Variants in NOSIP observed in about 807,000 individuals in gnomAD.
NOSIP encodes the protein nitric oxide synthase-interacting protein.
Under a neutral mutation model 36.4 loss-of-function variants are expected in NOSIP, and 25 were observed. That is an observed-to-expected ratio of 0.69 (90% CI 0.50 to 0.96). The LOEUF is 0.96. Ranked by LOEUF, NOSIP falls within the 40% of genes least tolerant of loss-of-function variation. The pLI is 0.00. For missense variants in NOSIP, 370 were observed against 429.0 expected, an observed-to-expected ratio of 0.86 and a Z score of 1.21; for synonymous variants, 187 against 179.2, an observed-to-expected ratio of 1.04 and a Z score of -0.35.
intron 1 of NOSIP, among the ~76,000 whole-genome samples, chr19:49,578,708 G>C (rs943606323): frequency 6.6e-6 from 1 of 150,518 alleles, no homozygotes; most frequent in African/African-American, 2.4e-5. Context: ...GTGCAGTGGC[G>C]TGATCTCGGC....
chr19:49,565,303 G>A (rs2080391802), intron 1 of NOSIP, among the ~76,000 whole-genome samples: 1 of 151,732 alleles, frequency 6.6e-6, no homozygotes, highest in South Asian at 2.1e-4. Flanking sequence ...CCTTTGGGAG[G>A]CAGAAGGTGG....
chr19:49,558,030 AC>A (rs2080278298), intron 4 of NOSIP: 1 of 667,270 alleles, frequency 1.5e-6, no homozygotes, highest in Admixed American at 6.3e-5. Flanking sequence ...AGGGGGACAG[AC>A]CCACTGTGCC....
chr19:49,557,344 A>AC, intron 4 of NOSIP, 95 bp from the exon 5 acceptor site: 2 of 1,472,120 alleles, frequency 1.4e-6, no homozygotes, highest in Non-Finnish European at 1.8e-6. Flanking sequence ...CACAAAGGGG[A>AC]CCCTCTGATG....
intron 1 of NOSIP, among the ~76,000 whole-genome samples, chr19:49,564,453 C>CAAAAAAA (rs1011453088): frequency 7.1e-5 from 3 of 42,552 alleles, no homozygotes; most frequent in Admixed American, 2.5e-4. Context: ...GACTCCATCT[C>CAAAAAAA]AAAAAAAAAA....
rs775726917 is a variant in NOSIP, at chr19:49,557,138, G to A, written c.370C>T (p.Arg124Trp). Residue 124 changes from arginine (R) to tryptophan (W), a missense_variant, in exon 5 of 9, where the codon CGG becomes TGG. This residue lies in a region of NOSIP where 315 missense variants were observed against 331.9 expected (regional missense o/e 0.95). Transcript: ENST00000596358. ...TTGGCTGTGAAAGGGTTGAGGGGCC[G>A]GCTCACGATAGCCGACTCCTTCTCC... is the stretch of plus-strand genomic sequence containing the variant. ...FLEKESAIVS[R>W]PLNPFTAKAL... 3.7e-6 allele frequency: 6 copies of A among 1,612,518 alleles called. No homozygotes were observed. Among genetic ancestry groups the A allele is most frequent in the Admixed American group, 1.7e-5 (1 of 59,808 alleles).
Position 49,556,976 on chromosome 19 carries a change from G to A in NOSIP, c.436C>T (p.Pro146Ser). The change falls in exon 6 of 9, where the codon CCC (proline) becomes TCC (serine). Residue 146 changes from proline to serine, a missense_variant. Physicochemically the swap from Pro to Ser is moderately conservative, Grantham distance 74 (BLOSUM62 -1). This residue lies in a region of NOSIP where 315 missense variants were observed against 331.9 expected (regional missense o/e 0.95). Coordinates refer to ENST00000596358, the MANE Select transcript of NOSIP (RefSeq NM_001270960.2). The stretch of plus-strand genomic sequence containing the variant: ...TCCTTACTTGGAGGACCCACACTGG[G>A]CCCAGGTTGGACATCATCTGTGGGG... ...GTSPDDVQPG[P>S]SVGPPSKDKD... is the part of the protein sequence containing the mutation. 1 of 1,609,782 alleles carries A rather than the reference G, an allele frequency of 6.2e-7. No individual in the cohort carries two copies.
intron 1 of NOSIP, among the ~76,000 whole-genome samples, chr19:49,576,181 AAAAC>A (rs1322139561): frequency 6.6e-6 from 1 of 152,092 alleles, no homozygotes; most frequent in Non-Finnish European, 1.5e-5. Context: ...AGGCTGAACA[AAAAC>A]AGGTAGCAGT....
At chr19:49,577,851 G>T (rs1311045535) in intron 1 of NOSIP, among the ~76,000 whole-genome samples, 1 of 151,374 alleles carries the variant, frequency 6.6e-6, no homozygotes. Context: ...AAGGAAGGCA[G>T]TCACAATAAT....
At chr19:49,557,544 G>A (rs1279231047) in intron 4 of NOSIP, 11 of 1,251,374 alleles carry the variant, frequency 8.8e-6, no homozygotes, top group Admixed American at 3.6e-5. Flanking sequence ...CCACCTCAGC[G>A]GCTCACTGAA....
At chr19:49,563,575 C>T (rs565879533) in intron 1 of NOSIP, among the ~76,000 whole-genome samples, 1 of 151,730 alleles carries the variant, frequency 6.6e-6, no homozygotes, top group South Asian at 2.1e-4. Context: ...CTCACTACAA[C>T]CTCCGCCTCT....
Position 49,555,633 on chromosome 19 carries a change from A to G in NOSIP, c.*118T>C. 1.3e-6 allele frequency: 1 copy of G among 773,442 alleles called. No individual in the cohort carries two copies. Among genetic ancestry groups the G allele is most frequent in the East Asian group, 2.6e-5 (1 of 38,490 alleles). The allele number at this position is 773,442 out of a possible 1,614,324, so 47.9% of individuals were successfully genotyped here. ...TTCAAACTCCAGCGTGCGCTGTAGG[A>G]GCACTGTTTGCACGGCCCTGCATCC... On this transcript the variant is annotated 3_prime_UTR_variant, in exon 9 of 9. Transcript: ENST00000596358.
At chr19:49,557,780 T>A (rs1309599606) in intron 4 of NOSIP, 1 of 988,580 alleles carries the variant, frequency 1.0e-6, no homozygotes, top group Non-Finnish European at 1.2e-6. Context: ...TGACCTGAGC[T>A]CAGCCCTGCC....
chr19:49,577,767 GAAAAAAA>G (rs61302412), intron 1 of NOSIP, among the ~76,000 whole-genome samples: 5 of 121,684 alleles, frequency 4.1e-5, no homozygotes, highest in African/African-American at 1.5e-4. Flanking sequence ...CGTGTCTCGG[GAAAAAAA>G]AAAAAAAAAA....
rs758374592 is a variant in NOSIP at position 49,556,539 on chromosome 19, G to A, written c.725+10C>T. The A allele has an allele frequency of 6.2e-7, 1 of 1,603,998 alleles. No homozygotes were observed. The highest frequency in any genetic ancestry group is 8.5e-7 in the Non-Finnish European group (1 of 1,177,108). On this transcript the variant is annotated intron_variant, in intron 7 of 8. Transcript: ENST00000596358. ...GAGTGGTCCCTTCCCTCCCCTCCCA[G>A]GTGACTCACGAGGGCCGCAGCACAG...
intron 1 of NOSIP, among the ~76,000 whole-genome samples, chr19:49,578,673 G>A (rs537993424): frequency 2.7e-5 from 4 of 150,512 alleles, no homozygotes; most frequent in South Asian, 2.1e-4. Context: ...TTGAGACAGA[G>A]TCTCACTCTG....
chr19:49,570,576 C>T (rs2080471264), intron 1 of NOSIP, among the ~76,000 whole-genome samples: 1 of 152,122 alleles, frequency 6.6e-6, no homozygotes, highest in African/African-American at 2.4e-5. Flanking sequence ...CTGAGGCAGC[C>T]AGGGCTGCTT....
At chr19:49,571,829 A>C (rs1472885946) in intron 1 of NOSIP, among the ~76,000 whole-genome samples, 1 of 151,930 alleles carries the variant, frequency 6.6e-6, no homozygotes, top group African/African-American at 2.4e-5. Context: ...TACTAAAAAT[A>C]CAAAAATTAG....
chr19:49,578,652 C>CTTT (rs771109884), intron 1 of NOSIP, among the ~76,000 whole-genome samples: 1 of 144,812 alleles, frequency 6.9e-6, no homozygotes. Context: ...TCTATTTTTT[C>CTTT]TTTTTTTTTT....
intron 1 of NOSIP, among the ~76,000 whole-genome samples, chr19:49,562,203 C>T (rs2080344955): frequency 6.6e-6 from 1 of 152,180 alleles, no homozygotes; most frequent in Admixed American, 6.5e-5. Context: ...CTCACTGAAA[C>T]CTCTGCCTCC....
Sources: gnomAD v4.1 joint callset for allele counts (sites outside exome capture counted in the v4.1 genomes callset) on GRCh38, gnomAD v4.1.1 for gene constraint, gnomAD v4.1.1 regional missense constraint, MANE v1.5 for transcripts, NCBI Gene and HGNC (gene_info 2026-07-23, HGNC 2026-07-21) for gene names.